SLA: variants seen among roughly 807,000 people sequenced by gnomAD.
The protein encoded by SLA is Src like adaptor.
SLA carries 16 observed loss-of-function variants against 30.3 expected under a neutral mutation model. The observed-to-expected ratio is 0.53, with a 90% CI of 0.36 to 0.80. SLA has a LOEUF of 0.80. SLA is among the 30% of genes least tolerant of loss of function. The pLI is 0.01. For missense variants in SLA, 310 were observed against 345.2 expected (o/e 0.90, Z 0.81); for synonymous variants, 143 against 137.8 (o/e 1.04, Z -0.26).
At chr8:133,078,735 G>A (rs965218472) in intron 1 of SLA, among the ~76,000 whole-genome samples, 5 of 152,264 alleles carry the variant, frequency 3.3e-5, no homozygotes, top group Admixed American at 1.3e-4. Context: ...ACAAAACAAT[G>A]TTCATTACGT....
intron 8 of SLA, among the ~76,000 whole-genome samples, chr8:133,039,775 A>T (rs1263720678): frequency 6.6e-6 from 1 of 152,124 alleles, no homozygotes; most frequent in South Asian, 2.1e-4. Flanking sequence ...AAACAGGGGG[A>T]GCTGCCACAC....
intron 1 of SLA, among the ~76,000 whole-genome samples, chr8:133,094,395 C>A (rs1848097430): frequency 6.6e-6 from 1 of 151,922 alleles, no homozygotes. Context: ...CGCCCGTCAC[C>A]ACGCCTGGCT....
intron 1 of SLA, among the ~76,000 whole-genome samples, chr8:133,093,583 G>C (rs1008472429): frequency 4.6e-5 from 7 of 152,174 alleles, no homozygotes; most frequent in African/African-American, 7.2e-5. Context: ...CTGGCACCAG[G>C]TCTCACAGCG....
intron 2 of SLA, among the ~76,000 whole-genome samples, chr8:133,061,343 C>A (rs1209390703): frequency 6.6e-6 from 1 of 152,146 alleles, no homozygotes; most frequent in Non-Finnish European, 1.5e-5. Flanking sequence ...TTTTGGGGAA[C>A]ACTAATTGAA....
At chr8:133,083,302 A>G (rs941017045) in intron 1 of SLA, among the ~76,000 whole-genome samples, 1 of 152,246 alleles carries the variant, frequency 6.6e-6, no homozygotes, top group Non-Finnish European at 1.5e-5. Context: ...ACTCTTTGAA[A>G]TATCAATTGA....
rs1564110125 is a variant in SLA at position 133,045,038 on chromosome 8, T to C, written c.430A>G (p.Ile144Val). Residue 144 changes from isoleucine to valine, a missense_variant, in exon 7 of 9, where the codon ATT becomes GTT. By Grantham distance (29) the Ile-to-Val change is conservative (BLOSUM62 3). Coordinates refer to ENST00000338087, the MANE Select transcript of SLA (RefSeq NM_001045556.3). ...CACTGGAAGGTGAGCCTCGGGGAAA[T>C]GTAGTACCAGTTGTTGGGCAGACGG... ...IFRLPNNWYY[I>V]SPRLTFQCLE... 3 of 1,614,162 alleles carry C rather than the reference T, an allele frequency of 1.9e-6. No homozygotes were observed. The highest frequency in any genetic ancestry group is 1.7e-6 in the Non-Finnish European group (2 of 1,180,004).
intron 1 of SLA, among the ~76,000 whole-genome samples, chr8:133,088,151 T>C (rs1846906297): frequency 6.6e-6 from 1 of 152,220 alleles, no homozygotes; most frequent in Non-Finnish European, 1.5e-5. Context: ...CAACTTGGGA[T>C]AGACTCTCCC....
chr8:133,090,230 A>G (rs1170765599), intron 1 of SLA: 4 of 152,256 alleles, frequency 2.6e-5, no homozygotes, highest in Admixed American at 2.6e-4. Context: ...TCACGTTTCT[A>G]GAGGCCCAGT....
At chr8:133,048,057 A>G (rs553287572) in intron 5 of SLA, 124 bp from the exon 6 acceptor site, 2 of 609,234 alleles carry the variant, frequency 3.3e-6, no homozygotes, top group South Asian at 3.9e-5. Flanking sequence ...CTGAGACAGG[A>G]AGCATCATCT....
intron 2 of SLA, among the ~76,000 whole-genome samples, chr8:133,066,119 C>T (rs1842998899): frequency 1.3e-5 from 2 of 152,078 alleles, no homozygotes; most frequent in South Asian, 2.1e-4. Flanking sequence ...GTGAGGAGAT[C>T]GAGACCATCC....
At chr8:133,067,123 G>C (rs867902237) in intron 2 of SLA, among the ~76,000 whole-genome samples, 1 of 152,120 alleles carries the variant, frequency 6.6e-6, no homozygotes, top group Non-Finnish European at 1.5e-5. Flanking sequence ...TTAGCATCCG[G>C]TGGTCTCCCT....
intron 2 of SLA, among the ~76,000 whole-genome samples, chr8:133,066,870 G>A (rs1843104839): frequency 6.6e-6 from 1 of 152,246 alleles, no homozygotes; most frequent in African/African-American, 2.4e-5. Context: ...ATCCCGTGCA[G>A]GGGCTGGGGG....
intron 1 of SLA, chr8:133,096,326 G>T: frequency 6.2e-7 from 1 of 1,614,224 alleles, no homozygotes; most frequent in Non-Finnish European, 8.5e-7. Context: ...TCTGCTCATT[G>T]GGAGTTCTCA....
At chr8:133,080,002 C>A (rs878878693) in intron 1 of SLA, among the ~76,000 whole-genome samples, 1 of 151,902 alleles carries the variant, frequency 6.6e-6, no homozygotes, top group Non-Finnish European at 1.5e-5. Flanking sequence ...TGAACCCCTT[C>A]AATGTGTTAG....
At chr8:133,051,670 A>G (rs1220149008) in intron 3 of SLA, among the ~76,000 whole-genome samples, 4 of 152,284 alleles carry the variant, frequency 2.6e-5, no homozygotes, top group African/African-American at 7.2e-5. Context: ...ACTGTAGAGG[A>G]GAGACAGTGA....
chr8:133,040,361 G>T, intron 7 of SLA: 1 of 518,256 alleles, frequency 1.9e-6, no homozygotes, highest in Non-Finnish European at 3.5e-6. Flanking sequence ...GGCATGGGCA[G>T]AGAGAGAGGT....
chr8:133,045,153 G>A (rs1839079239), intron 6 of SLA, 38 bp from the exon 7 acceptor site: 2 of 1,611,288 alleles, frequency 1.2e-6, no homozygotes, highest in Non-Finnish European at 1.7e-6. Flanking sequence ...GGCTCCACCT[G>A]TCCTCACCCC....
chr8:133,051,453 C>T (rs182656254), intron 3 of SLA, among the ~76,000 whole-genome samples: 1 of 152,064 alleles, frequency 6.6e-6, no homozygotes, highest in Admixed American at 6.6e-5. Flanking sequence ...GTTCTGAGGA[C>T]CCATTAGGAC....
intron 1 of SLA, among the ~76,000 whole-genome samples, chr8:133,086,068 T>C (rs1186127161): frequency 6.6e-6 from 1 of 152,230 alleles, no homozygotes. Context: ...TAATACCTGC[T>C]ATAAGATGGA....
Sources: gnomAD v4.1 joint callset for allele counts (sites outside exome capture counted in the v4.1 genomes callset) on GRCh38, gnomAD v4.1.1 for gene constraint, MANE v1.5 for transcripts, NCBI Gene and HGNC (gene_info 2026-07-23, HGNC 2026-07-21) for gene names.